Variants in EXD3 observed in about 807,000 individuals in gnomAD.
EXD3 encodes exonuclease 3'-5' domain containing 3, also known as exonuclease mut-7 homolog.
EXD3 carries 92 observed loss-of-function variants against 98.0 expected under a neutral mutation model. The observed-to-expected ratio is 0.94, with a 90% CI of 0.79 to 1.12. The LOEUF is 1.12. EXD3 is among the 50% of genes most tolerant of loss of function. The pLI, the probability that EXD3 is intolerant of heterozygous loss-of-function variation, is 0.00. For synonymous variants in EXD3, 569 were observed against 526.0 expected, an observed-to-expected ratio of 1.08 and a Z score of -1.12; for missense variants, 1,222 against 1,191.6, an observed-to-expected ratio of 1.03 and a Z score of -0.38.
intron 8 of EXD3, 21 bp downstream of exon 8, chr9:137,356,247 G>A (rs375595482): frequency 7.0e-6 from 11 of 1,562,870 alleles, no homozygotes; most frequent in Middle Eastern, 3.8e-4. Flanking sequence ...TGTGGGGCAG[G>A]AATGTGGGGG....
chr9:137,411,817 G>A (rs979168678), intron 1 of EXD3, among the ~76,000 whole-genome samples: 21 of 152,244 alleles, frequency 1.4e-4, no homozygotes, highest in Non-Finnish European at 2.5e-4. Context: ...TCTGCACACC[G>A]CAGTGAGTCA....
intron 1 of EXD3, among the ~76,000 whole-genome samples, chr9:137,413,444 C>T (rs1588442179): frequency 6.6e-6 from 1 of 151,902 alleles, no homozygotes; most frequent in African/African-American, 2.4e-5. Context: ...TTGTGATCTG[C>T]CCGCATCAGC....
intron 17 of EXD3, among the ~76,000 whole-genome samples, chr9:137,333,194 C>T (rs11523787): frequency 0.36 from 54,621 of 152,016 alleles, 11,584 homozygotes; most frequent in South Asian, 0.52. Flanking sequence ...GACTCTTACA[C>T]GTACACCAGC....
At chr9:137,394,846 G>A (rs1837126249) in intron 2 of EXD3, among the ~76,000 whole-genome samples, 1 of 152,162 alleles carries the variant, frequency 6.6e-6, no homozygotes, top group Non-Finnish European at 1.5e-5. Context: ...AAAAACTAGG[G>A]ACCCTGGAGG....
intron 3 of EXD3, among the ~76,000 whole-genome samples, chr9:137,373,884 C>G (rs933583875): frequency 2.0e-5 from 3 of 152,246 alleles, no homozygotes; most frequent in Non-Finnish European, 4.4e-5. Flanking sequence ...CAACCGTAGC[C>G]CGAGCCACAG....
chr9:137,419,976 G>A (rs568708439), intron 1 of EXD3, among the ~76,000 whole-genome samples: 50 of 152,132 alleles, frequency 3.3e-4, no homozygotes, highest in East Asian at 2.7e-3. Context: ...TGGCTAATAC[G>A]GTGAAACCCC....
chr9:137,413,355 C>T (rs1022955056), intron 1 of EXD3, among the ~76,000 whole-genome samples: 1 of 152,096 alleles, frequency 6.6e-6, no homozygotes. Context: ...CGCCTGCCAC[C>T]ACGCCCGGCT....
Position 137,393,303 on chromosome 9 carries a change from G to A in EXD3, c.55+2000C>T, listed in dbSNP as rs943928253. 2.9e-6 allele frequency: 2 copies of A among 697,730 alleles called. No individual in the cohort carries two copies. Among genetic ancestry groups the A allele is most frequent in the South Asian group, 3.0e-5 (2 of 67,332 alleles). The allele number at this position is 697,730 out of a possible 1,614,324, so 43.2% of individuals were successfully genotyped here. On this transcript the variant is annotated intron_variant, in intron 2 of 21. Transcript: ENST00000340951. This position sits in a 1 kb window ranked among gnomAD's most constrained non-coding sequence, Gnocchi z 4.6. Reference sequence around the variant, plus strand: ...TCCCATGCGCTCCCCGGCCCTGACGGCGGTCTCCAGGGGAGGTAACAGGGC... The same window carrying A: ...TCCCATGCGCTCCCCGGCCCTGACGACGGTCTCCAGGGGAGGTAACAGGGC...
chr9:137,357,752 A>ATG (rs1359887865), intron 7 of EXD3, among the ~76,000 whole-genome samples: 2 of 150,204 alleles, frequency 1.3e-5, no homozygotes, highest in Non-Finnish European at 3.0e-5. Context: ...GTGTATATAT[A>ATG]TATAAAGGTG....
chr9:137,398,854 C>T (rs1297724408), intron 1 of EXD3, among the ~76,000 whole-genome samples: 1 of 149,994 alleles, frequency 6.7e-6, no homozygotes, highest in African/African-American at 2.5e-5. Context: ...ATCCCCAAGA[C>T]ACACAGGCAC....
chr9:137,322,623 C>T (rs2119096598), intron 19 of EXD3, among the ~76,000 whole-genome samples: 2 of 101,800 alleles, frequency 2.0e-5, no homozygotes, highest in Admixed American at 9.7e-5. Context: ...TCACCCCGGA[C>T]CACGAGGGAT....
chr9:137,339,534 C>T (rs530491812), intron 17 of EXD3, among the ~76,000 whole-genome samples: 14 of 151,086 alleles, frequency 9.3e-5, no homozygotes, highest in East Asian at 1.9e-4. Flanking sequence ...GACCAAAGTC[C>T]GCAATGTATT....
intron 1 of EXD3, among the ~76,000 whole-genome samples, chr9:137,410,582 T>C (rs529568763): frequency 1.3e-5 from 2 of 152,222 alleles, no homozygotes; most frequent in South Asian, 4.1e-4. Flanking sequence ...CCATGAGTCC[T>C]GTGACCACAG....
intron 19 of EXD3, among the ~76,000 whole-genome samples, chr9:137,322,725 C>G (rs1391627808): frequency 7.6e-6 from 1 of 132,382 alleles, no homozygotes; most frequent in Admixed American, 7.6e-5. Context: ...ACACCCCACC[C>G]CAGACCCACG....
intron 1 of EXD3, among the ~76,000 whole-genome samples, chr9:137,398,194 C>T (rs956189362): frequency 2.0e-5 from 3 of 152,220 alleles, no homozygotes; most frequent in Non-Finnish European, 4.4e-5. Context: ...ACAGAAGGAA[C>T]TGTGGCTCCA....
chr9:137,344,102 A>G (rs188234922), intron 17 of EXD3, among the ~76,000 whole-genome samples: 234 of 151,380 alleles, frequency 1.5e-3, no homozygotes, highest in African/African-American at 5.0e-3. Flanking sequence ...CGTGTTAGCC[A>G]GGATGGTCTC....
intron 19 of EXD3, among the ~76,000 whole-genome samples, chr9:137,319,791 T>C (rs28367548): frequency 0.055 from 8,442 of 152,256 alleles, 780 homozygotes; most frequent in African/African-American, 0.19. Flanking sequence ...CAGCTTCTCA[T>C]AGACCCCTTT....
rs1273490501 is a variant in EXD3 at position 137,347,213 on chromosome 9, C to T, written c.1998+858G>A. 6.6e-6 allele frequency among the ~76,000 whole-genome samples: 1 copy of T among 152,228 alleles called. No homozygotes were observed. The highest frequency in any genetic ancestry group is 2.4e-5 in the African/African-American group (1 of 41,460). The stretch of plus-strand genomic sequence containing the variant: ...AGTCCGGTGGACTCAACCAGGTTCT[C>T]TGCTCAGGGTCTCATGGCTGAAATC... On this transcript the variant is annotated intron_variant, in intron 17 of 21. Coordinates refer to ENST00000340951, the MANE Select transcript of EXD3 (RefSeq NM_017820.5). The surrounding 1 kb of genome is among the most constrained non-coding windows in gnomAD (Gnocchi z 4.2).
chr9:137,346,188 G>C (rs549374602), intron 17 of EXD3, among the ~76,000 whole-genome samples: 2 of 123,732 alleles, frequency 1.6e-5, no homozygotes, highest in Non-Finnish European at 3.1e-5. Flanking sequence ...GCAGTGAGCC[G>C]AGATCGCACC....
Sources: allele counts gnomAD v4.1 joint callset (sites outside exome capture counted in the v4.1 genomes callset), GRCh38; gene constraint gnomAD v4.1.1; non-coding constraint Gnocchi (gnomAD v3.1); transcripts MANE v1.5; gene names NCBI Gene and HGNC (gene_info 2026-07-23, HGNC 2026-07-21).